The following TOM1 variants were observed in gnomAD, a reference collection of about 807,000 sequenced individuals.
TOM1 encodes target of Myb protein 1.
In TOM1, 38 loss-of-function variants were observed where a neutral mutation model predicts 61.3. The ratio of observed to expected loss-of-function variants is 0.62; its 90% confidence interval spans 0.48 to 0.81. TOM1 has a LOEUF of 0.81. Ranked by LOEUF, TOM1 falls within the 40% of genes least tolerant of loss-of-function variation. The probability of loss-of-function intolerance (pLI) is 0.00; values close to 1 mark genes in which losing one functional copy is unlikely to be tolerated. For missense variants in TOM1, 591 were observed against 659.6 expected (o/e 0.90, Z 1.14); for synonymous variants, 270 against 268.8 (o/e 1.00, Z -0.04).
chr22:35,307,325 G>A (rs1366320220), intron 1 of TOM1, among the ~76,000 whole-genome samples: 1 of 152,132 alleles, frequency 6.6e-6, no homozygotes, highest in African/African-American at 2.4e-5. Flanking sequence ...TGATGTTCGT[G>A]TTTTTTTCCT....
At chr22:35,321,443 G>A (rs1927772005) in intron 2 of TOM1, among the ~76,000 whole-genome samples, 1 of 151,862 alleles carries the variant, frequency 6.6e-6, no homozygotes, top group Non-Finnish European at 1.5e-5. Context: ...CTGTTGCCCA[G>A]GCTGGAGTAC....
At chr22:35,309,643 CAAA>C (rs537199618) in intron 1 of TOM1, among the ~76,000 whole-genome samples, 3 of 111,216 alleles carry the variant, frequency 2.7e-5, no homozygotes, top group African/African-American at 4.0e-5. Flanking sequence ...GACTCCATCT[CAAA>C]AAAAAAAAAA....
At chr22:35,302,483 C>T (rs1047471137) in intron 1 of TOM1, among the ~76,000 whole-genome samples, 3 of 151,482 alleles carry the variant, frequency 2.0e-5, no homozygotes, top group Admixed American at 6.6e-5. Context: ...ATTACAGGCA[C>T]GCTCCGCCAC....
rs781020541 is a variant in TOM1 at position 35,323,211 on chromosome 22, A to G, written c.366+34A>G. On this transcript the variant is annotated intron_variant, in intron 4 of 14. Coordinates refer to ENST00000449058, the MANE Select transcript of TOM1 (RefSeq NM_005488.3). The surrounding 1 kb of genome is among the most constrained non-coding windows in gnomAD (Gnocchi z 4.2). ...CAGGACAGGGCAGGGCACGGCCAGG[A>G]AGAGCTGTCAGTGCAGGAGCTTCCT... The G allele has an allele frequency of 6.2e-7, 1 of 1,609,002 alleles. No homozygotes were observed. Among genetic ancestry groups the G allele is most frequent in the Admixed American group, 1.7e-5 (1 of 59,710 alleles).
chr22:35,304,577 C>T (rs1926152085), intron 1 of TOM1, among the ~76,000 whole-genome samples: 1 of 152,188 alleles, frequency 6.6e-6, no homozygotes, highest in East Asian at 1.9e-4. Context: ...CTCCCGGGTT[C>T]ACGCCATTCT....
chr22:35,300,294 AAGGG>A (rs1925626246), intron 1 of TOM1, among the ~76,000 whole-genome samples: 1 of 152,232 alleles, frequency 6.6e-6, no homozygotes, highest in Non-Finnish European at 1.5e-5. Context: ...TTCGTGGTTA[AAGGG>A]ACTGCGTGGT....
chr22:35,303,264 C>G (rs1364086497), intron 1 of TOM1, among the ~76,000 whole-genome samples: 1 of 152,020 alleles, frequency 6.6e-6, no homozygotes, highest in African/African-American at 2.4e-5. Flanking sequence ...TGAGGCTTGC[C>G]CCAAGCCCGA....
At chr22:35,309,072 ATC>A (rs1926593953) in intron 1 of TOM1, among the ~76,000 whole-genome samples, 1 of 152,150 alleles carries the variant, frequency 6.6e-6, no homozygotes, top group African/African-American at 2.4e-5. Flanking sequence ...TGATTTAAAA[ATC>A]TCTTATGGGG....
chr22:35,311,015 GC>G (rs1229295537), intron 1 of TOM1: 1 of 152,378 alleles, frequency 6.6e-6, no homozygotes, highest in African/African-American at 2.4e-5. Flanking sequence ...GGGCTTAGGA[GC>G]ACGAGTTGAG....
intron 13 of TOM1, 93 bp from the exon 14 acceptor site, chr22:35,346,837 G>A (rs547901228): frequency 1.6e-6 from 2 of 1,247,022 alleles, no homozygotes. Context: ...CAGTGCTGAG[G>A]TTCAGCGGGG....
intron 7 of TOM1, among the ~76,000 whole-genome samples, chr22:35,329,907 C>T (rs920939684): frequency 1.3e-5 from 2 of 152,178 alleles, no homozygotes; most frequent in South Asian, 2.1e-4. Context: ...AAAGCTGTTC[C>T]GTGGAACCTT....
chr22:35,330,545 T>C (rs1928753444), intron 8 of TOM1, 65 bp downstream of exon 8: 2 of 1,483,032 alleles, frequency 1.3e-6, no homozygotes, highest in African/African-American at 2.8e-5. Context: ...CCTTCCTCCC[T>C]GTTCTCCTGG....
In TOM1 at chr22:35,338,260, G is replaced by A. The variant is rs1929553228; in HGVS notation, c.1149-453G>A. ...GTGCTGGTGAGCCAGTGCAAGACAAGATGGCACCTCACCCAGCAGTTTATA... is the reference window on the plus strand; with the variant it reads ...GTGCTGGTGAGCCAGTGCAAGACAAAATGGCACCTCACCCAGCAGTTTATA... On this transcript the variant is annotated intron_variant, in intron 11 of 14. Coordinates refer to ENST00000449058, the MANE Select transcript of TOM1 (RefSeq NM_005488.3). 2.6e-5 allele frequency among the ~76,000 whole-genome samples: 4 copies of A among 152,318 alleles called. No individual in the cohort carries two copies. The South Asian group carries it at 8.3e-4, about 32-fold the overall frequency.
At chr22:35,336,454 G>T (rs532398502) in intron 11 of TOM1, among the ~76,000 whole-genome samples, 2 of 152,188 alleles carry the variant, frequency 1.3e-5, no homozygotes, top group Non-Finnish European at 2.9e-5. Flanking sequence ...CTTATCAGCC[G>T]CTGTTTCTGC....
At chr22:35,330,099 G>A (rs1015778508) in intron 7 of TOM1, among the ~76,000 whole-genome samples, 19 of 151,642 alleles carry the variant, frequency 1.3e-4, no homozygotes, top group African/African-American at 3.9e-4. Context: ...CTAATATGGC[G>A]AAACCCCGTC....
chr22:35,302,358 T>A (rs138735), intron 1 of TOM1, among the ~76,000 whole-genome samples: 1 of 129,134 alleles, frequency 7.7e-6, no homozygotes, highest in African/African-American at 2.9e-5. Context: ...TTTTTGAGAC[T>A]GCGTTTCGCT....
chr22:35,305,378 C>T (rs756145508), intron 1 of TOM1, among the ~76,000 whole-genome samples: 1 of 152,036 alleles, frequency 6.6e-6, no homozygotes, highest in East Asian at 1.9e-4. Context: ...AAACTGATGG[C>T]GGGCCAGGCA....
At chr22:35,305,216 CCTAA>C (rs1476441402) in intron 1 of TOM1, among the ~76,000 whole-genome samples, 1 of 152,166 alleles carries the variant, frequency 6.6e-6, no homozygotes, top group South Asian at 2.1e-4. Flanking sequence ...TGGTTCTGCT[CCTAA>C]CTATGTCACG....
chr22:35,299,999 C>A lies in TOM1; in HGVS notation c.52+19C>A. The A allele has an allele frequency of 1.3e-6, 2 of 1,560,786 alleles. No homozygotes were observed. The highest frequency in any genetic ancestry group is 2.4e-5 in the East Asian group (1 of 41,816). On this transcript the variant is annotated intron_variant, in intron 1 of 14. Coordinates refer to ENST00000449058, the MANE Select transcript of TOM1 (RefSeq NM_005488.3). ...CGCATCGGTGAGTCCCTGGAGCCCC[C>A]CACAGCTCCGCCCCGGTGCTCCGCA...
Sources: allele counts gnomAD v4.1 joint callset (sites outside exome capture counted in the v4.1 genomes callset), GRCh38; gene constraint gnomAD v4.1.1; non-coding constraint Gnocchi (gnomAD v3.1); transcripts MANE v1.5; gene names NCBI Gene and HGNC (gene_info 2026-07-23, HGNC 2026-07-21).